Variants in ANKRD44 observed in about 807,000 individuals in gnomAD.
The protein encoded by ANKRD44 is serine/threonine-protein phosphatase 6 regulatory ankyrin repeat subunit B.
Under a neutral mutation model 116.0 loss-of-function variants are expected in ANKRD44, and 35 were observed. That is an observed-to-expected ratio of 0.30 (90% confidence interval 0.23 to 0.40). ANKRD44 has a LOEUF of 0.40. ANKRD44 is among the 10% of genes least tolerant of loss of function. The pLI, the probability that ANKRD44 is intolerant of heterozygous loss-of-function variation, is 1.00. For synonymous variants in ANKRD44, 435 were observed against 461.8 expected (o/e 0.94, Z 0.74); for missense variants, 1,014 against 1,242.6 (o/e 0.82, Z 2.77).
At chr2:197,024,470 T>C (rs1321679578) in intron 17 of ANKRD44, among the ~76,000 whole-genome samples, 1 of 152,218 alleles carries the variant, frequency 6.6e-6, no homozygotes, top group Non-Finnish European at 1.5e-5. Flanking sequence ...GAGCAGCTGC[T>C]GATGGCCAAC....
At chr2:197,140,046 A>T (rs930338207) in intron 3 of ANKRD44, among the ~76,000 whole-genome samples, 5 of 148,948 alleles carry the variant, frequency 3.4e-5, no homozygotes, top group African/African-American at 1.0e-4. Context: ...TGCCCACCTA[A>T]TTTTTTTTAT....
At chr2:197,123,958 T>C (rs2078917978) in intron 6 of ANKRD44, among the ~76,000 whole-genome samples, 1 of 152,208 alleles carries the variant, frequency 6.6e-6, no homozygotes, top group African/African-American at 2.4e-5. Context: ...AATGATTTGA[T>C]TTCTTTAGAG....
chr2:197,146,942 T>C (rs1454070559), intron 3 of ANKRD44, 85 bp downstream of exon 3: 8 of 1,164,384 alleles, frequency 6.9e-6, no homozygotes, highest in Non-Finnish European at 9.8e-6. Flanking sequence ...GGAATTTTGC[T>C]TGGGTTCACT....
At chr2:197,108,901 C>T (rs1007984915) in intron 9 of ANKRD44, among the ~76,000 whole-genome samples, 2 of 151,696 alleles carry the variant, frequency 1.3e-5, no homozygotes, top group African/African-American at 4.9e-5. Flanking sequence ...AAAAGTCTAG[C>T]AAGAATATCC....
chr2:196,972,769 T>C (rs2075724614), intron 21 of ANKRD44, among the ~76,000 whole-genome samples: 2 of 152,232 alleles, frequency 1.3e-5, no homozygotes, highest in Non-Finnish European at 2.9e-5. Flanking sequence ...TTGTTAAATA[T>C]CTTAAATATC....
rs5837527 is a variant in ANKRD44, at chr2:197,158,984, A to AACACAC, written c.112-11885_112-11880dup. 2.8e-3 allele frequency among the ~76,000 whole-genome samples: 409 copies of AACACAC among 148,462 alleles called. 1 individual carries two copies. Among genetic ancestry groups the AACACAC allele is most frequent in the African/African-American group, 7.2e-3 (292 of 40,718 alleles). On this transcript the variant is annotated intron_variant, in intron 2 of 27. Coordinates refer to ENST00000282272, the MANE Select transcript of ANKRD44 (RefSeq NM_001195144.2). The stretch of plus-strand genomic sequence containing the variant: ...CACACCCATCAGCAAAGAGCAAACA[A>AACACAC]ACACACACACACACACACACACATA...
intron 16 of ANKRD44, among the ~76,000 whole-genome samples, chr2:197,064,985 A>G (rs1482788261): frequency 1.3e-5 from 2 of 152,222 alleles, no homozygotes; most frequent in Non-Finnish European, 2.9e-5. Flanking sequence ...TCCACCCCAA[A>G]TCAACAGAAT....
intron 16 of ANKRD44, among the ~76,000 whole-genome samples, chr2:197,065,490 C>CA (rs1001347278): frequency 2.4e-4 from 36 of 152,062 alleles, no homozygotes; most frequent in Admixed American, 7.2e-4. Context: ...AAAATCCCTT[C>CA]AAAAAATCAA....
At chr2:197,293,550 TG>T (rs760177487) in intron 1 of ANKRD44, among the ~76,000 whole-genome samples, 13 of 152,236 alleles carry the variant, frequency 8.5e-5, no homozygotes, top group Non-Finnish European at 1.8e-4. Context: ...TCCCTTCAGA[TG>T]GCCAATCTTA....
At chr2:197,149,442 G>C (rs1341433682) in intron 2 of ANKRD44, among the ~76,000 whole-genome samples, 2 of 152,126 alleles carry the variant, frequency 1.3e-5, no homozygotes, top group African/African-American at 4.8e-5. Flanking sequence ...ACATAAAAAG[G>C]GTGTGTTGCA....
At chr2:197,184,689 T>C (rs2080609777) in intron 2 of ANKRD44, among the ~76,000 whole-genome samples, 2 of 151,990 alleles carry the variant, frequency 1.3e-5, no homozygotes, top group South Asian at 4.2e-4. Flanking sequence ...CTCCATGCTC[T>C]TTTTCCCTTT....
At chr2:196,984,814 A>T (rs937023680), downstream of ANKRD44, among the ~76,000 whole-genome samples, 8 of 152,248 alleles carry the variant, frequency 5.3e-5, no homozygotes, top group African/African-American at 1.9e-4. Flanking sequence ...ATGATGTTAC[A>T]GCCTCAAAGG....
chr2:197,120,121 A>G (rs139784486), intron 8 of ANKRD44, among the ~76,000 whole-genome samples: 15 of 152,294 alleles, frequency 9.8e-5, no homozygotes, highest in Non-Finnish European at 1.8e-4. Flanking sequence ...AGAGTTTGCA[A>G]TGCTTTATGA....
chr2:197,042,970 G>C (rs965099105), intron 16 of ANKRD44, among the ~76,000 whole-genome samples: 1 of 152,182 alleles, frequency 6.6e-6, no homozygotes, highest in African/African-American at 2.4e-5. Context: ...CACCAATGTG[G>C]GTGTGTCTAT....
chr2:197,223,439 T>C (rs967239917), intron 1 of ANKRD44, among the ~76,000 whole-genome samples: 1 of 152,206 alleles, frequency 6.6e-6, no homozygotes, highest in Non-Finnish European at 1.5e-5. Flanking sequence ...TCAACATTAT[T>C]ATGTTTTGGG....
At chr2:197,200,748 G>T in intron 1 of ANKRD44, among the ~76,000 whole-genome samples, 1 of 152,090 alleles carries the variant, frequency 6.6e-6, no homozygotes, top group East Asian at 1.9e-4. Flanking sequence ...TAACATGAAA[G>T]AAAGCAATAA....
chr2:197,038,736 A>T (rs1182995797), intron 16 of ANKRD44, among the ~76,000 whole-genome samples: 1 of 152,204 alleles, frequency 6.6e-6, no homozygotes, highest in African/African-American at 2.4e-5. Flanking sequence ...GATTCCTTTC[A>T]TCTTGCTGTA....
chr2:197,127,834 A>C (rs1357236687), intron 4 of ANKRD44, among the ~76,000 whole-genome samples: 1 of 152,082 alleles, frequency 6.6e-6, no homozygotes, highest in African/African-American at 2.4e-5. Flanking sequence ...CTCCCCACTG[A>C]CAGGCCCCAG....
At chr2:197,030,640 T>A (rs746921074) in intron 16 of ANKRD44, among the ~76,000 whole-genome samples, 2 of 152,208 alleles carry the variant, frequency 1.3e-5, no homozygotes, top group Non-Finnish European at 2.9e-5. Flanking sequence ...AGTTCATCAG[T>A]TCAGGCTTAT....
Sources: allele counts gnomAD v4.1 joint callset (sites outside exome capture counted in the v4.1 genomes callset), GRCh38; gene constraint gnomAD v4.1.1; transcripts MANE v1.5; gene names NCBI Gene and HGNC (gene_info 2026-07-23, HGNC 2026-07-21).